COL22A1: variants seen among roughly 807,000 people sequenced by gnomAD.
The protein encoded by COL22A1 is collagen type XXII alpha 1 chain, also known as collagen alpha-1(XXII) chain.
COL22A1 carries 221 observed loss-of-function variants against 248.9 expected under a neutral mutation model. The ratio of observed to expected loss-of-function variants is 0.89; its 90% CI spans 0.80 to 0.99. COL22A1 has a LOEUF of 0.99. Among genes scored for constraint, COL22A1 ranks in the 50% least tolerant of loss-of-function variants. The probability of loss-of-function intolerance (pLI) is 0.00; values close to 1 mark genes in which losing one functional copy is unlikely to be tolerated. For missense variants in COL22A1, 2,240 were observed against 2,179.0 expected, an observed-to-expected ratio of 1.03 and a Z score of -0.56; for synonymous variants, 891 against 793.4, an observed-to-expected ratio of 1.12 and a Z score of -2.07.
At chr8:138,739,245 T>C (rs1487349951) in intron 22 of COL22A1, among the ~76,000 whole-genome samples, 3 of 152,124 alleles carry the variant, frequency 2.0e-5, no homozygotes, top group African/African-American at 7.2e-5. Flanking sequence ...TCCATGTACT[T>C]TTTTCCCACC....
intron 47 of COL22A1, among the ~76,000 whole-genome samples, chr8:138,643,437 T>G (rs1338743553): frequency 6.6e-6 from 1 of 152,210 alleles, no homozygotes; most frequent in African/African-American, 2.4e-5. Flanking sequence ...ACAAGGCTGG[T>G]GCTGTTGTCA....
At chr8:138,751,114 T>C (rs142275566) in intron 22 of COL22A1, among the ~76,000 whole-genome samples, 11 of 152,226 alleles carry the variant, frequency 7.2e-5, no homozygotes, top group Non-Finnish European at 1.6e-4. Context: ...TATTCAATAA[T>C]GGCATGGATA....
At chr8:138,815,737 G>A (rs1459050203) in intron 7 of COL22A1, among the ~76,000 whole-genome samples, 1 of 152,184 alleles carries the variant, frequency 6.6e-6, no homozygotes, top group Non-Finnish European at 1.5e-5. Context: ...ACTCATAAAA[G>A]TGCCGTACAA....
intron 1 of COL22A1, among the ~76,000 whole-genome samples, chr8:138,909,785 C>T (rs189178758): frequency 5.3e-5 from 8 of 152,296 alleles, no homozygotes; most frequent in Admixed American, 3.9e-4. Flanking sequence ...CCCTCAAACA[C>T]TCTCTGGGTA....
At chr8:138,770,287 G>A (rs552623462) in intron 16 of COL22A1, among the ~76,000 whole-genome samples, 31 of 152,284 alleles carry the variant, frequency 2.0e-4, no homozygotes, top group Middle Eastern at 3.4e-3. Flanking sequence ...CCAGTGCTTG[G>A]CCCTTTTTGT....
At chr8:138,852,994 G>GTATA (rs138051780) in intron 3 of COL22A1, among the ~76,000 whole-genome samples, 216 of 147,014 alleles carry the variant, frequency 1.5e-3, no homozygotes, top group Middle Eastern at 7.0e-3. Flanking sequence ...AAAAAAAAAA[G>GTATA]TATATATATA....
At chr8:138,631,522 A>G (rs1289488982) in intron 49 of COL22A1, among the ~76,000 whole-genome samples, 2 of 152,226 alleles carry the variant, frequency 1.3e-5, no homozygotes, top group Non-Finnish European at 2.9e-5. Context: ...CCAGGAGATT[A>G]GGAAGGCAAT....
chr8:138,665,992 A>G (rs1305020278), intron 41 of COL22A1, among the ~76,000 whole-genome samples: 1 of 151,584 alleles, frequency 6.6e-6, no homozygotes, highest in African/African-American at 2.4e-5. Flanking sequence ...ATCATGGCAA[A>G]TGTTATTTCC....
At chr8:138,639,671 G>C (rs552204448) in intron 47 of COL22A1, among the ~76,000 whole-genome samples, 1 of 152,156 alleles carries the variant, frequency 6.6e-6, no homozygotes, top group African/African-American at 2.4e-5. Flanking sequence ...CTCTTTGAAA[G>C]GTATGCAAAT....
At chr8:138,889,732 G>A (rs778307076) in intron 1 of COL22A1, among the ~76,000 whole-genome samples, 30 of 152,166 alleles carry the variant, frequency 2.0e-4, no homozygotes, top group East Asian at 3.8e-4. Context: ...CTACTGAGCC[G>A]CCTTTGTCTT....
At chr8:138,779,050 C>T (rs752215735) in intron 14 of COL22A1, among the ~76,000 whole-genome samples, 38 of 152,172 alleles carry the variant, frequency 2.5e-4, no homozygotes, top group Admixed American at 2.6e-4. Flanking sequence ...AGGAGAAACA[C>T]ACAAATGCAC....
At chr8:138,811,239 A>G (rs574566372) in intron 9 of COL22A1, among the ~76,000 whole-genome samples, 1 of 151,470 alleles carries the variant, frequency 6.6e-6, no homozygotes, top group Non-Finnish European at 1.5e-5. Context: ...TTAAAAATAG[A>G]AACACATAGA....
chr8:138,634,351 T>C (rs1820966693), intron 49 of COL22A1, among the ~76,000 whole-genome samples: 1 of 152,132 alleles, frequency 6.6e-6, no homozygotes, highest in African/African-American at 2.4e-5. Context: ...GGGTCTCATG[T>C]GGAACCCATG....
Position 138,636,728 on chromosome 8 carries a change from A to G in COL22A1, c.3555+14T>C, listed in dbSNP as rs1301277659. ...TCCTCAGGGTGAATGGTTCCTTATA[A>G]AGTAAATTTTTACCTGATCACCTTT... On this transcript the variant is annotated intron_variant, in intron 48 of 64. Coordinates refer to ENST00000303045, the MANE Select transcript of COL22A1 (RefSeq NM_152888.3). 7.5e-6 allele frequency: 12 copies of G among 1,605,924 alleles called. No homozygotes were observed. The highest frequency in any genetic ancestry group is 1.0e-5 in the Non-Finnish European group (12 of 1,172,622).
chr8:138,776,070 G>C (rs373706579), intron 15 of COL22A1, 60 bp from the exon 16 acceptor site: 3 of 1,563,756 alleles, frequency 1.9e-6, no homozygotes, highest in Non-Finnish European at 2.6e-6. Context: ...TGTGCTCACC[G>C]TGGGGGTGTC....
chr8:138,800,045 T>C (rs1213496406), intron 11 of COL22A1, among the ~76,000 whole-genome samples: 1 of 152,214 alleles, frequency 6.6e-6, no homozygotes, highest in Non-Finnish European at 1.5e-5. Flanking sequence ...GCTTCAGAGT[T>C]CTTCGTTCCT....
At chr8:138,790,074 C>T (rs912551325) in intron 12 of COL22A1, among the ~76,000 whole-genome samples, 3 of 152,158 alleles carry the variant, frequency 2.0e-5, no homozygotes, top group African/African-American at 7.2e-5. Flanking sequence ...GTAGCAGAAA[C>T]CCCTTGTCTT....
Position 138,780,935 on chromosome 8 carries a change from C to A in COL22A1, c.1642G>T (p.Gly548Cys). The change falls in exon 13 of 65, where the codon GGC (glycine) becomes TGC (cysteine). Residue 548 changes from glycine (G) to cysteine (C), a missense_variant. Coordinates refer to ENST00000303045, the MANE Select transcript of COL22A1 (RefSeq NM_152888.3). ...PGPPGRDGSK[G>C]MRGEPGELGE... is the part of the protein sequence containing the mutation. ...GACGGAACAGAACTTACTCTCATGC[C>A]TTTGCTGCCGTCTCTCCCAGGGGGG... 4 of 1,613,694 alleles carry A rather than the reference C, an allele frequency of 2.5e-6. No individual in the cohort carries two copies. The highest frequency in any genetic ancestry group is 3.4e-6 in the Non-Finnish European group (4 of 1,179,724).
At chr8:138,778,466 C>A in intron 14 of COL22A1, 60 bp from the exon 15 acceptor site, 1 of 1,458,830 alleles carries the variant, frequency 6.9e-7, no homozygotes, top group Non-Finnish European at 9.3e-7. Flanking sequence ...CAAGTGCAGC[C>A]GTACAGCTCA....
Sources: allele counts gnomAD v4.1 joint callset (sites outside exome capture counted in the v4.1 genomes callset), GRCh38; gene constraint gnomAD v4.1.1; transcripts MANE v1.5; gene names NCBI Gene and HGNC (gene_info 2026-07-23, HGNC 2026-07-21).